The following ELP4 variants were observed in gnomAD, a reference collection of about 807,000 sequenced individuals.
ELP4 encodes the protein elongator complex protein 4.
Under a neutral mutation model 48.9 loss-of-function variants are expected in ELP4, and 51 were observed. The ratio of observed to expected loss-of-function variants is 1.04; its 90% CI spans 0.83 to 1.32. The LOEUF is 1.32. ELP4 is among the 40% of genes most tolerant of loss of function. ELP4 has a pLI of 0.00. For missense variants in ELP4, 519 were observed against 514.6 expected (o/e 1.01, Z -0.08); for synonymous variants, 210 against 189.2 (o/e 1.11, Z -0.90).
At position 31,574,215 on chromosome 11, in the gene ELP4, C is replaced by T. The variant is rs187803184; in HGVS notation, c.382-20555C>T. 3.8e-3 allele frequency among the ~76,000 whole-genome samples: 576 copies of T among 152,288 alleles called. 5 individuals are homozygous for T. The highest frequency in any genetic ancestry group is 0.013 in the African/African-American group (550 of 41,562). ...TTTTCAGCAGTCTGAGATCGAACTG[C>T]AAGGCAGCAGCGAGGCTGGGGGAGG... On this transcript the variant is annotated intron_variant, in intron 3 of 9. Coordinates refer to ENST00000640961, the MANE Select transcript of ELP4 (RefSeq NM_019040.5).
chr11:31,587,719 G>A (rs749689169), intron 3 of ELP4, among the ~76,000 whole-genome samples: 20 of 151,910 alleles, frequency 1.3e-4, no homozygotes, highest in Non-Finnish European at 2.2e-4. Context: ...ATATTTATGG[G>A]TAAGTGTAAA....
chr11:31,787,426 C>T lies in ELP4; in HGVS notation c.*3902C>T, dbSNP rs1357118715. On this transcript the variant is annotated 3_prime_UTR_variant, in exon 10 of 10. Coordinates refer to ENST00000640961, the MANE Select transcript of ELP4 (RefSeq NM_019040.5). ...CTGTCTACACAACAGAACCGTGGGC[C>T]GGAACTGGCTGCCTGACCGTGGTGG... The T allele has an allele frequency of 3.4e-5, 8 of 233,128 alleles. No homozygotes were observed. Among genetic ancestry groups the T allele is most frequent in the African/African-American group, 1.1e-4 (5 of 45,322 alleles). 14.4% of individuals were successfully genotyped at this position (233,128 alleles called of 1,614,324 possible).
At chr11:31,774,529 A>G (rs901893341) in intron 9 of ELP4, among the ~76,000 whole-genome samples, 5 of 152,220 alleles carry the variant, frequency 3.3e-5, no homozygotes, top group African/African-American at 1.2e-4. Context: ...CTATAACTCT[A>G]GCATGAGTTC....
chr11:31,760,786 A>C (rs1016467883), intron 9 of ELP4, among the ~76,000 whole-genome samples: 4 of 152,248 alleles, frequency 2.6e-5, no homozygotes, highest in Non-Finnish European at 5.9e-5. Context: ...CGTTATGATT[A>C]TAATAGCAGA....
chr11:31,697,517 C>A (rs1017864335), intron 9 of ELP4, among the ~76,000 whole-genome samples: 1 of 152,022 alleles, frequency 6.6e-6, no homozygotes. Context: ...AAACGGGCCA[C>A]CTCCTTCATT....
chr11:31,782,255 A>G (rs1387341042), intron 9 of ELP4, among the ~76,000 whole-genome samples: 1 of 152,242 alleles, frequency 6.6e-6, no homozygotes, highest in African/African-American at 2.4e-5. Context: ...TAACTGGAGC[A>G]TATGCTTGTG....
intron 9 of ELP4, chr11:31,715,110 C>G (rs1946818030): frequency 1.1e-5 from 3 of 278,946 alleles, no homozygotes; most frequent in East Asian, 6.2e-5. Context: ...GATGGCAACT[C>G]TTTCTCAGAT....
At chr11:31,752,009 A>G (rs1026143900) in intron 9 of ELP4, among the ~76,000 whole-genome samples, 11 of 152,238 alleles carry the variant, frequency 7.2e-5, no homozygotes, top group African/African-American at 2.7e-4. Context: ...AAAAAAAGCT[A>G]TTCAACTAAT....
chr11:31,551,479 T>C (rs1174300945), intron 3 of ELP4, among the ~76,000 whole-genome samples: 1 of 152,196 alleles, frequency 6.6e-6, no homozygotes, highest in African/African-American at 2.4e-5. Flanking sequence ...TCACCTTCTC[T>C]AATGGGGCTC....
intron 7 of ELP4, among the ~76,000 whole-genome samples, chr11:31,641,962 A>G (rs547355652): frequency 2.0e-5 from 3 of 152,096 alleles, no homozygotes; most frequent in Admixed American, 6.6e-5. Flanking sequence ...TAGGGTTTCA[A>G]GTATCAAAGT....
intron 3 of ELP4, among the ~76,000 whole-genome samples, chr11:31,540,945 T>C (rs1202056157): frequency 6.6e-6 from 1 of 152,238 alleles, no homozygotes; most frequent in East Asian, 1.9e-4. Flanking sequence ...GCACACTTTT[T>C]CCCTCAGAGA....
At chr11:31,748,048 A>G (rs1395134652) in intron 9 of ELP4, among the ~76,000 whole-genome samples, 1 of 152,204 alleles carries the variant, frequency 6.6e-6, no homozygotes, top group Admixed American at 6.5e-5. Context: ...GCAAAACAGA[A>G]TATTTTACAA....
At chr11:31,678,507 G>T (rs751934583) in intron 9 of ELP4, among the ~76,000 whole-genome samples, 1 of 105,874 alleles carries the variant, frequency 9.4e-6, no homozygotes, top group Non-Finnish European at 1.9e-5. Context: ...GTGTGTGTGT[G>T]TGTGTGTGTG....
chr11:31,583,127 A>C (rs1294392384), intron 3 of ELP4, among the ~76,000 whole-genome samples: 2 of 152,066 alleles, frequency 1.3e-5, no homozygotes, highest in Non-Finnish European at 2.9e-5. Flanking sequence ...GTAGGTCTTT[A>C]TGGTTCCTTT....
chr11:31,722,612 T>C (rs1946988338), intron 9 of ELP4, among the ~76,000 whole-genome samples: 1 of 151,894 alleles, frequency 6.6e-6, no homozygotes, highest in Non-Finnish European at 1.5e-5. Context: ...CCAGAAAACT[T>C]GCCATTAAAA....
chr11:31,696,549 C>A (rs940847281), intron 9 of ELP4, among the ~76,000 whole-genome samples: 26 of 152,192 alleles, frequency 1.7e-4, no homozygotes, highest in Admixed American at 1.6e-3. Context: ...GTTATAATTT[C>A]TGTTCTTTTA....
intron 9 of ELP4, among the ~76,000 whole-genome samples, chr11:31,710,295 T>C (rs1364234726): frequency 6.6e-6 from 1 of 152,204 alleles, no homozygotes; most frequent in Non-Finnish European, 1.5e-5. Context: ...AATACATTTT[T>C]GAGTTGAGAT....
chr11:31,658,504 G>C (rs996771842), intron 9 of ELP4, among the ~76,000 whole-genome samples: 1 of 151,524 alleles, frequency 6.6e-6, no homozygotes, highest in African/African-American at 2.4e-5. Context: ...ACTATTTACT[G>C]TTATAGGATT....
intron 3 of ELP4, among the ~76,000 whole-genome samples, chr11:31,593,626 C>T (rs1592144485): frequency 6.6e-6 from 1 of 152,154 alleles, no homozygotes; most frequent in Non-Finnish European, 1.5e-5. Context: ...GACACAGCTA[C>T]TAGTGCAAAG....
Sources: allele counts gnomAD v4.1 joint callset (sites outside exome capture counted in the v4.1 genomes callset), GRCh38; gene constraint gnomAD v4.1.1; transcripts MANE v1.5; gene names NCBI Gene and HGNC (gene_info 2026-07-23, HGNC 2026-07-21).